ADAMTSL1: variants seen among roughly 807,000 people sequenced by gnomAD.
The protein encoded by ADAMTSL1 is ADAMTS-like protein 1.
In ADAMTSL1, 126 loss-of-function variants were observed where a neutral mutation model predicts 201.8. The observed-to-expected ratio is 0.62, with a 90% CI of 0.54 to 0.72. The LOEUF is 0.72. Ranked by LOEUF, ADAMTSL1 falls within the 30% of genes least tolerant of loss-of-function variation. The pLI is 0.00. For missense variants in ADAMTSL1, 2,679 were observed against 2,277.8 expected (o/e 1.18, Z -3.59); for synonymous variants, 1,121 against 903.4 (o/e 1.24, Z -4.32).
intron 2 of ADAMTSL1, among the ~76,000 whole-genome samples, chr9:18,398,256 G>A (rs1163902874): frequency 6.6e-6 from 1 of 152,036 alleles, no homozygotes; most frequent in South Asian, 2.1e-4. Flanking sequence ...CTCTGCTACT[G>A]ACCCATAGGT....
At chr9:18,202,178 C>T (rs1048509531) in intron 2 of ADAMTSL1, among the ~76,000 whole-genome samples, 2 of 152,066 alleles carry the variant, frequency 1.3e-5, no homozygotes, top group Non-Finnish European at 2.9e-5. Flanking sequence ...GGGGAAAAAT[C>T]GTTAGTGTAA....
intron 19 of ADAMTSL1, 69 bp downstream of exon 19, chr9:18,777,975 T>G: frequency 6.7e-7 from 1 of 1,503,294 alleles, no homozygotes; most frequent in Non-Finnish European, 8.9e-7. Flanking sequence ...GTCACACTAC[T>G]TACACATTCT....
chr9:18,193,316 A>G (rs1032019175), intron 2 of ADAMTSL1, among the ~76,000 whole-genome samples: 1 of 152,174 alleles, frequency 6.6e-6, no homozygotes, highest in African/African-American at 2.4e-5. Context: ...GGGAAGAATC[A>G]TATAGAAATT....
At chr9:18,808,651 C>G (rs796551035) in intron 20 of ADAMTSL1, among the ~76,000 whole-genome samples, 65 of 152,332 alleles carry the variant, frequency 4.3e-4, no homozygotes, top group African/African-American at 1.4e-3. Context: ...TCCCTAACCT[C>G]ATTTTCCCCA....
At chr9:18,086,456 T>C (rs773993769) in intron 1 of ADAMTSL1, among the ~76,000 whole-genome samples, 2 of 152,166 alleles carry the variant, frequency 1.3e-5, no homozygotes. Flanking sequence ...TTAAGAGCCA[T>C]CATATAATCC....
intron 2 of ADAMTSL1, among the ~76,000 whole-genome samples, chr9:18,462,314 G>A (rs956189985): frequency 3.3e-5 from 5 of 152,080 alleles, no homozygotes; most frequent in African/African-American, 1.2e-4. Flanking sequence ...TTCCTTCAAC[G>A]AATACTTGAT....
At chr9:18,542,843 C>T (rs1820233364) in intron 3 of ADAMTSL1, among the ~76,000 whole-genome samples, 1 of 152,134 alleles carries the variant, frequency 6.6e-6, no homozygotes, top group Non-Finnish European at 1.5e-5. Flanking sequence ...AAAATTAGAT[C>T]ACTTTGAAAT....
intron 3 of ADAMTSL1, among the ~76,000 whole-genome samples, chr9:18,560,720 C>T (rs1564048933): frequency 6.6e-6 from 1 of 151,488 alleles, no homozygotes; most frequent in Non-Finnish European, 1.5e-5. Flanking sequence ...TCAAATATTT[C>T]CTGGTTTAGT....
intron 21 of ADAMTSL1, chr9:18,826,000 C>T (rs896058516): frequency 3.5e-6 from 2 of 568,580 alleles, no homozygotes; most frequent in Non-Finnish European, 6.2e-6. Context: ...ACTGGCCTCC[C>T]TCTTCCTGTC....
At chr9:18,015,306 T>A (rs1005710104) in intron 1 of ADAMTSL1, among the ~76,000 whole-genome samples, 2 of 152,016 alleles carry the variant, frequency 1.3e-5, no homozygotes, top group African/African-American at 4.8e-5. Flanking sequence ...CTGAGGAAGT[T>A]TCTAAAGGAA....
At chr9:18,342,024 G>T (rs1004084395) in intron 2 of ADAMTSL1, among the ~76,000 whole-genome samples, 11 of 152,090 alleles carry the variant, frequency 7.2e-5, no homozygotes, top group African/African-American at 2.4e-4. Context: ...AATACTTTTT[G>T]TATGGAGGAT....
At chr9:18,496,233 C>G (rs1179057084) in intron 1 of ADAMTSL1, among the ~76,000 whole-genome samples, 1 of 152,172 alleles carries the variant, frequency 6.6e-6, no homozygotes, top group Non-Finnish European at 1.5e-5. Context: ...AAGGAGAATA[C>G]TGCAATACTA....
At chr9:18,491,570 C>T (rs2131857306) in intron 1 of ADAMTSL1, among the ~76,000 whole-genome samples, 1 of 152,284 alleles carries the variant, frequency 6.6e-6, no homozygotes, top group Non-Finnish European at 1.5e-5. Context: ...TGTCATGTTT[C>T]ATGTACTGTT....
chr9:18,313,480 A>G (rs536490205), intron 2 of ADAMTSL1, among the ~76,000 whole-genome samples: 58 of 152,274 alleles, frequency 3.8e-4, no homozygotes, highest in Admixed American at 8.5e-4. Context: ...AAAAATACCA[A>G]TCACTGGGTC....
intron 1 of ADAMTSL1, among the ~76,000 whole-genome samples, chr9:18,494,956 C>T (rs2131874549): frequency 6.6e-6 from 1 of 152,186 alleles, no homozygotes; most frequent in South Asian, 2.1e-4. Context: ...AGAGGACAGA[C>T]TGGTGGGAAG....
intron 2 of ADAMTSL1, among the ~76,000 whole-genome samples, chr9:18,404,289 A>T (rs1818099208): frequency 6.6e-6 from 1 of 152,122 alleles, no homozygotes; most frequent in African/African-American, 2.4e-5. Context: ...ACTCCTGAAT[A>T]CTTTAAGGCC....
At chr9:18,473,630 T>C (rs535092775), upstream of ADAMTSL1, among the ~76,000 whole-genome samples, 2 of 152,322 alleles carry the variant, frequency 1.3e-5, no homozygotes, top group South Asian at 4.1e-4. Context: ...AATAAAACAG[T>C]TGTACAGAAC....
chr9:18,412,344 G>A (rs551032121), intron 2 of ADAMTSL1, among the ~76,000 whole-genome samples: 3 of 152,236 alleles, frequency 2.0e-5, no homozygotes, highest in East Asian at 3.9e-4. Flanking sequence ...CCATTGTAAA[G>A]TCCCCCATTG....
At chr9:18,767,539 C>T (rs1323305522) in intron 16 of ADAMTSL1, among the ~76,000 whole-genome samples, 1 of 152,140 alleles carries the variant, frequency 6.6e-6, no homozygotes, top group Non-Finnish European at 1.5e-5. Context: ...TCATGCAAAA[C>T]ACTGTAAAAC....
Sources: allele counts gnomAD v4.1 joint callset (sites outside exome capture counted in the v4.1 genomes callset), GRCh38; gene constraint gnomAD v4.1.1; transcripts MANE v1.5; gene names NCBI Gene and HGNC (gene_info 2026-07-23, HGNC 2026-07-21).